The following PDE10A variants were observed in gnomAD, a reference collection of about 807,000 sequenced individuals.
The protein encoded by PDE10A is phosphodiesterase 10A.
A neutral mutation model predicts 97.7 loss-of-function variants in PDE10A; 39 were observed. That is an observed-to-expected ratio of 0.40 (90% CI 0.31 to 0.52). The LOEUF (loss-of-function observed/expected upper bound fraction) is 0.52. Among genes scored for constraint, PDE10A ranks in the 20% least tolerant of loss-of-function variants. PDE10A has a pLI of 0.56. For synonymous variants in PDE10A, 371 were observed against 376.8 expected, an observed-to-expected ratio of 0.98 and a Z score of 0.18; for missense variants, 731 against 1,047.8, an observed-to-expected ratio of 0.70 and a Z score of 4.17.
intron 1 of PDE10A, among the ~76,000 whole-genome samples, chr6:165,778,422 T>C (rs66544583): frequency 0.17 from 25,576 of 152,208 alleles, 3,518 homozygotes; most frequent in African/African-American, 0.37. Flanking sequence ...CCATGCTCTA[T>C]AGTATGTAGG....
intron 16 of PDE10A, among the ~76,000 whole-genome samples, chr6:165,392,031 A>G (rs75422168): frequency 0.015 from 2,217 of 152,318 alleles, 19 homozygotes; most frequent in Non-Finnish European, 0.023. Flanking sequence ...GGGATTGTCC[A>G]GATGTAGAAT....
chr6:165,842,485 A>C (rs1399276630), intron 1 of PDE10A, among the ~76,000 whole-genome samples: 1 of 152,246 alleles, frequency 6.6e-6, no homozygotes, highest in Non-Finnish European at 1.5e-5. Flanking sequence ...GCAGCAGCCC[A>C]GCACCCACTG....
At chr6:165,882,818 T>C (rs2461718) in intron 1 of PDE10A, among the ~76,000 whole-genome samples, 116,471 of 151,398 alleles carry the variant, frequency 0.77, 45,031 homozygotes, top group East Asian at 0.96. Context: ...ATGAAACAAT[T>C]TCCCAGTGTG....
At chr6:165,549,052 C>G (rs1156747819) in intron 1 of PDE10A, among the ~76,000 whole-genome samples, 1 of 152,208 alleles carries the variant, frequency 6.6e-6, no homozygotes, top group East Asian at 1.9e-4. Context: ...GTCATTCTGA[C>G]AAGAACCTAG....
chr6:165,455,232 A>G (rs1297387831), intron 3 of PDE10A, among the ~76,000 whole-genome samples: 1 of 152,156 alleles, frequency 6.6e-6, no homozygotes, highest in Non-Finnish European at 1.5e-5. Flanking sequence ...AACTCCACTG[A>G]GGAGTACCAA....
At position 165,330,674 on chromosome 6, in the gene PDE10A, A is replaced by T. The variant is rs1349730195; in HGVS notation, c.*2351T>A. ...TAATACACTTGACTATAATAAATTA[A>T]GAGAATTTTCTGTAATAACCTAAAA... is the stretch of plus-strand genomic sequence containing the variant. On this transcript the variant is annotated 3_prime_UTR_variant, in exon 22 of 22. Transcript: ENST00000539869. 6.6e-6 allele frequency: 1 copy of T among 152,222 alleles called. No individual in the cohort carries two copies. Among genetic ancestry groups the T allele is most frequent in the East Asian group, 1.9e-4 (1 of 5,200 alleles). 9.4% of individuals were successfully genotyped at this position (152,222 alleles called of 1,614,324 possible). A position where few individuals can be genotyped will look rare whatever the true frequency, so the allele number is the denominator to read the frequency against.
intron 2 of PDE10A, among the ~76,000 whole-genome samples, chr6:165,516,445 A>G (rs1453867515): frequency 1.3e-5 from 2 of 152,154 alleles, no homozygotes; most frequent in Admixed American, 6.6e-5. Flanking sequence ...CGCACATCAA[A>G]AAGAGGCTCT....
chr6:165,573,110 C>T (rs1263396626), intron 1 of PDE10A, among the ~76,000 whole-genome samples: 1 of 152,072 alleles, frequency 6.6e-6, no homozygotes, highest in Non-Finnish European at 1.5e-5. Context: ...TTGGTCTGCC[C>T]TTTTCAACAA....
rs1790335708 is a variant in PDE10A at position 165,662,513 on chromosome 6, A to C, written c.299T>G (p.Leu100Trp). 2.1e-5 allele frequency: 3 copies of C among 146,094 alleles called. No individual in the cohort carries two copies. The highest frequency in any genetic ancestry group is 2.0e-4 in the Admixed American group (3 of 14,852). 9.0% of individuals were successfully genotyped at this position (146,094 alleles called of 1,614,324 possible). A position where few individuals can be genotyped will look rare whatever the true frequency, so the allele number is the denominator to read the frequency against. Residue 100 changes from leucine to tryptophan, a missense_variant, in exon 1 of 22, where the codon TTG becomes TGG. Coordinates refer to ENST00000539869, the MANE Select transcript of PDE10A (RefSeq NM_001385079.1). ...GCGWVAARAP[L>W]ALAFSSRVPS... ...GACCCGGGACGAGAAGGCGAGCGCC[A>C]AGGGAGCGCGGGCCGCGACCCAGCC... is the stretch of plus-strand genomic sequence containing the variant.
chr6:165,977,867 C>A (rs7752424), intron 1 of PDE10A, among the ~76,000 whole-genome samples: 1 of 152,150 alleles, frequency 6.6e-6, no homozygotes, highest in Middle Eastern at 3.2e-3. Flanking sequence ...GTAGAAAAAA[C>A]AAGTAAATTG....
chr6:165,953,894 AAT>A (rs2128495875), intron 1 of PDE10A, among the ~76,000 whole-genome samples: 1 of 152,256 alleles, frequency 6.6e-6, no homozygotes, highest in Admixed American at 6.5e-5. Context: ...ATTGTCCTCA[AAT>A]TCCCCTGTGT....
intron 5 of PDE10A, among the ~76,000 whole-genome samples, chr6:165,440,814 T>C (rs1790387124): frequency 6.6e-6 from 1 of 152,030 alleles, no homozygotes; most frequent in Non-Finnish European, 1.5e-5. Flanking sequence ...TATATATATA[T>C]ATACAATAAA....
chr6:165,434,714 A>G (rs1365448333), intron 6 of PDE10A, among the ~76,000 whole-genome samples: 1 of 152,188 alleles, frequency 6.6e-6, no homozygotes, highest in African/African-American at 2.4e-5. Context: ...GAAGCGGGTG[A>G]GAGACACAGG....
intron 13 of PDE10A, among the ~76,000 whole-genome samples, chr6:165,402,249 T>C (rs1393254005): frequency 3.3e-5 from 5 of 152,106 alleles, no homozygotes; most frequent in African/African-American, 1.2e-4. Flanking sequence ...TATTAATATA[T>C]TGAAAATACG....
At chr6:165,943,417 G>T (rs1256761859) in intron 1 of PDE10A, among the ~76,000 whole-genome samples, 1 of 152,092 alleles carries the variant, frequency 6.6e-6, no homozygotes, top group Admixed American at 6.5e-5. Context: ...CAATATTTAT[G>T]ATGGGAATGG....
chr6:165,470,043 T>C lies in PDE10A; in HGVS notation c.1023+12272A>G, dbSNP rs189554143. 1.3e-3 allele frequency among the ~76,000 whole-genome samples: 199 copies of C among 152,294 alleles called. 1 individual carries two copies. The highest frequency in any genetic ancestry group is 4.6e-3 in the African/African-American group (192 of 41,556). ...AGTGAGGGCATTGGTGTTTAGTCCA[T>C]GTTTGCTGCTACAAAGGAATACCTG... On this transcript the variant is annotated intron_variant, in intron 3 of 21. Coordinates refer to ENST00000539869, the MANE Select transcript of PDE10A (RefSeq NM_001385079.1).
chr6:165,691,591 GCACA>G (rs965998795), intron 1 of PDE10A, among the ~76,000 whole-genome samples: 1,532 of 51,628 alleles, frequency 0.03, 13 homozygotes, highest in Non-Finnish European at 0.065. Context: ...GCACGCGCGC[GCACA>G]CACACACACA....
At chr6:165,596,286 C>T (rs1336788448) in intron 1 of PDE10A, among the ~76,000 whole-genome samples, 2 of 152,234 alleles carry the variant, frequency 1.3e-5, no homozygotes, top group African/African-American at 4.8e-5. Flanking sequence ...GTGTCCACCA[C>T]GGCCCCAGCC....
At chr6:165,916,006 A>G (rs1309140597) in intron 1 of PDE10A, among the ~76,000 whole-genome samples, 1 of 152,268 alleles carries the variant, frequency 6.6e-6, no homozygotes, top group Non-Finnish European at 1.5e-5. Context: ...AACTTCGGCC[A>G]TGTCATTAGG....
Sources: allele counts gnomAD v4.1 joint callset (sites outside exome capture counted in the v4.1 genomes callset), GRCh38; gene constraint gnomAD v4.1.1; transcripts MANE v1.5; gene names NCBI Gene and HGNC (gene_info 2026-07-23, HGNC 2026-07-21).